DOCK3: variants seen among roughly 807,000 people sequenced by gnomAD.
DOCK3 encodes dedicator of cytokinesis 3.
Under a neutral mutation model 265.6 loss-of-function variants are expected in DOCK3, and 60 were observed. That is an observed-to-expected ratio of 0.23 (90% CI 0.18 to 0.28). DOCK3 has a LOEUF of 0.28. DOCK3 is among the 10% of genes least tolerant of loss of function. The pLI is 1.00. For synonymous variants in DOCK3, 881 were observed against 938.0 expected, an observed-to-expected ratio of 0.94 and a Z score of 1.11; for missense variants, 1,981 against 2,594.3, an observed-to-expected ratio of 0.76 and a Z score of 5.14.
intron 18 of DOCK3, 82 bp downstream of exon 18, chr3:51,228,914 G>C (rs2090438506): frequency 6.9e-7 from 1 of 1,452,064 alleles, no homozygotes; most frequent in East Asian, 2.3e-5. Context: ...TGAAGGGAGA[G>C]ATAAATTATT....
intron 27 of DOCK3, among the ~76,000 whole-genome samples, chr3:51,296,642 AT>A (rs1378509341): frequency 1.3e-5 from 2 of 151,698 alleles, no homozygotes; most frequent in Admixed American, 6.6e-5. Flanking sequence ...ATGCCCGGCT[AT>A]TTTTTTGTAT....
chr3:51,262,628 A>G (rs1308748353), intron 23 of DOCK3, among the ~76,000 whole-genome samples: 1 of 152,202 alleles, frequency 6.6e-6, no homozygotes, highest in Non-Finnish European at 1.5e-5. Context: ...CTCCAAGCTA[A>G]AGGAGCATGT....
intron 5 of DOCK3, among the ~76,000 whole-genome samples, chr3:50,981,919 G>A (rs1226152525): frequency 2.0e-5 from 3 of 152,038 alleles, no homozygotes; most frequent in African/African-American, 7.2e-5. Context: ...GCACGATCTT[G>A]GCTCACTGCA....
intron 37 of DOCK3, among the ~76,000 whole-genome samples, chr3:51,340,462 G>A (rs1456300168): frequency 6.6e-6 from 1 of 152,186 alleles, no homozygotes; most frequent in South Asian, 2.1e-4. Flanking sequence ...AGTGGACACA[G>A]GCAAGTGGGC....
At chr3:50,846,517 A>G (rs1371811785) in intron 3 of DOCK3, among the ~76,000 whole-genome samples, 1 of 152,106 alleles carries the variant, frequency 6.6e-6, no homozygotes, top group African/African-American at 2.4e-5. Flanking sequence ...ATATTGGTTT[A>G]GTAGAATGAG....
intron 10 of DOCK3, among the ~76,000 whole-genome samples, chr3:51,156,266 G>C (rs1406598217): frequency 1.3e-5 from 2 of 152,106 alleles, no homozygotes; most frequent in Non-Finnish European, 2.9e-5. Flanking sequence ...TAAGATGCTC[G>C]ACCCTAAGTC....
At chr3:50,772,922 A>G (rs1163053110) in intron 1 of DOCK3, among the ~76,000 whole-genome samples, 12 of 152,154 alleles carry the variant, frequency 7.9e-5, no homozygotes, top group Non-Finnish European at 4.4e-5. Flanking sequence ...TCTTCACAGA[A>G]ATAGAAAAAA....
intron 5 of DOCK3, among the ~76,000 whole-genome samples, chr3:50,965,523 T>G (rs1559871227): frequency 6.6e-6 from 1 of 152,084 alleles, no homozygotes; most frequent in Non-Finnish European, 1.5e-5. Context: ...GCCAATAAAT[T>G]TGACGAATTA....
At chr3:51,006,330 C>G (rs2078677746) in intron 5 of DOCK3, among the ~76,000 whole-genome samples, 1 of 150,684 alleles carries the variant, frequency 6.6e-6, no homozygotes, top group Non-Finnish European at 1.5e-5. Flanking sequence ...TCTCCCTTCC[C>G]CAATAATGTA....
chr3:51,263,842 G>A (rs2080003883), intron 23 of DOCK3, among the ~76,000 whole-genome samples: 1 of 152,130 alleles, frequency 6.6e-6, no homozygotes, highest in Admixed American at 6.5e-5. Context: ...AATGGTAAAG[G>A]GATCAATGCA....
At chr3:51,281,274 A>AATATAAAT (rs1312141308) in intron 27 of DOCK3, among the ~76,000 whole-genome samples, 1 of 125,694 alleles carries the variant, frequency 8.0e-6, no homozygotes, top group African/African-American at 3.0e-5. Flanking sequence ...GATGAGCTAA[A>AATATAAAT]ATATATATAT....
rs1294348104 is a variant in DOCK3, at chr3:51,384,137, T to C, written c.*2578T>C. 3 of 152,738 alleles carry C rather than the reference T, an allele frequency of 2.0e-5. No individual in the cohort carries two copies. The highest frequency in any genetic ancestry group is 1.3e-4 in the Admixed American group (2 of 15,306). The allele number at this position is 152,738 out of a possible 1,614,324, so 9.5% of individuals were successfully genotyped here. On this transcript the variant is annotated 3_prime_UTR_variant, in exon 53 of 53. Transcript: ENST00000266037. ...TAAATATCTGCCACTTGATTTTTTT[T>C]CCCCCTTTCCCCACTTCCTTGACTG...
intron 1 of DOCK3, among the ~76,000 whole-genome samples, chr3:50,683,055 A>G (rs2034525973): frequency 6.6e-6 from 1 of 152,222 alleles, no homozygotes. Context: ...TATTTGTAGC[A>G]TTGAATTGGA....
chr3:51,361,986 C>A lies in DOCK3; in HGVS notation c.5134C>A (p.His1712Asn). ...SMGDAPEDLY[H>N]HMQLAYPNPR... The stretch of plus-strand genomic sequence containing the variant: ...GGGTGATGCTCCTGAGGACCTGTAC[C>A]ACCACATGCAGGTACAGAGCTGTCC... Residue 1712 changes from histidine to asparagine, a missense_variant, in exon 48 of 53, where the codon CAC (histidine) becomes AAC (asparagine). This residue lies in a region of DOCK3 where 1,357 missense variants were observed against 1,866.8 expected (regional missense o/e 0.73). Coordinates refer to ENST00000266037, the MANE Select transcript of DOCK3 (RefSeq NM_004947.5). This position sits in a 1 kb window ranked among gnomAD's most constrained non-coding sequence, Gnocchi z 4.2. 6.2e-7 allele frequency: 1 copy of A among 1,607,858 alleles called. No homozygotes were observed. Among genetic ancestry groups the A allele is most frequent in the Non-Finnish European group, 8.5e-7 (1 of 1,177,156 alleles).
rs1576317027 is a variant in DOCK3 at position 51,173,413 on chromosome 3, G to A, written c.1037+12711G>A. Among the ~76,000 whole-genome samples, 3 of 152,236 alleles carry A rather than the reference G, an allele frequency of 2.0e-5. No homozygotes were observed. The East Asian group carries it at 5.8e-4, about 29-fold the overall frequency. On this transcript the variant is annotated intron_variant, in intron 12 of 52. Transcript: ENST00000266037. ...GCTAGGATTACAGGCATAAGCCACC[G>A]TGCCCAGCTGAGTTACATACTCTCA...
chr3:50,724,034 G>T (rs529104361), intron 1 of DOCK3, among the ~76,000 whole-genome samples: 3 of 152,136 alleles, frequency 2.0e-5, no homozygotes, highest in East Asian at 3.9e-4. Flanking sequence ...ATGGGCAAGG[G>T]ATATGAAAAG....
chr3:51,363,485 T>A (rs2086888887), intron 49 of DOCK3, among the ~76,000 whole-genome samples: 1 of 152,156 alleles, frequency 6.6e-6, no homozygotes, highest in Non-Finnish European at 1.5e-5. Context: ...ATATCACAAA[T>A]TTATTTATTT....
chr3:50,869,224 T>C (rs1261728893), intron 3 of DOCK3, among the ~76,000 whole-genome samples: 1 of 151,680 alleles, frequency 6.6e-6, no homozygotes, highest in Non-Finnish European at 1.5e-5. Context: ...TCTGCCCACC[T>C]TGGCCTCCCA....
At chr3:51,210,713 C>T (rs887075841) in intron 13 of DOCK3, among the ~76,000 whole-genome samples, 1 of 152,192 alleles carries the variant, frequency 6.6e-6, no homozygotes, top group African/African-American at 2.4e-5. Context: ...ATTAAAGATA[C>T]ATCTTTATTA....
Sources: allele counts gnomAD v4.1 joint callset (sites outside exome capture counted in the v4.1 genomes callset), GRCh38; gene constraint gnomAD v4.1.1; regional missense constraint gnomAD v4.1.1; non-coding constraint Gnocchi (gnomAD v3.1); transcripts MANE v1.5; gene names NCBI Gene and HGNC (gene_info 2026-07-23, HGNC 2026-07-21).